GPC6: variants seen among roughly 807,000 people sequenced by gnomAD.
GPC6 encodes glypican-6.
A neutral mutation model predicts 55.2 loss-of-function variants in GPC6; 14 were observed. The ratio of observed to expected loss-of-function variants is 0.25; its 90% CI spans 0.17 to 0.40. GPC6 has a LOEUF of 0.40. GPC6 is among the 10% of genes least tolerant of loss of function. GPC6 has a pLI of 1.00. For missense variants in GPC6, 641 were observed against 708.5 expected (o/e 0.90, Z 1.08); for synonymous variants, 278 against 259.6 (o/e 1.07, Z -0.68).
chr13:93,545,118 G>A, intron 1 of GPC6, 145 bp from the exon 2 acceptor site: 1 of 717,480 alleles, frequency 1.4e-6, no homozygotes, highest in Non-Finnish European at 2.5e-6. Context: ...GATGTGCTGT[G>A]GCCCAGATAG....
At chr13:93,912,557 C>T (rs562144388) in intron 3 of GPC6, among the ~76,000 whole-genome samples, 4 of 152,142 alleles carry the variant, frequency 2.6e-5, no homozygotes, top group Admixed American at 2.0e-4. Flanking sequence ...TCCTGGCTAA[C>T]ACGGTGAAAC....
intron 2 of GPC6, among the ~76,000 whole-genome samples, chr13:93,769,696 C>T (rs1885230428): frequency 6.6e-6 from 1 of 152,182 alleles, no homozygotes; most frequent in Non-Finnish European, 1.5e-5. Flanking sequence ...TTATGGGTGG[C>T]TTGGCACCTC....
chr13:93,804,151 G>T (rs536750147), intron 2 of GPC6, among the ~76,000 whole-genome samples: 2 of 152,150 alleles, frequency 1.3e-5, no homozygotes, highest in Admixed American at 1.3e-4. Flanking sequence ...ATAGATATAG[G>T]TTAATTTCTG....
At chr13:93,759,755 G>C (rs1329402091) in intron 2 of GPC6, among the ~76,000 whole-genome samples, 1 of 152,084 alleles carries the variant, frequency 6.6e-6, no homozygotes, top group Non-Finnish European at 1.5e-5. Flanking sequence ...TAATCAGTGA[G>C]ACAAGTTCAA....
At chr13:93,225,364 A>G (rs1875735413), upstream of GPC6, among the ~76,000 whole-genome samples, 1 of 152,244 alleles carries the variant, frequency 6.6e-6, no homozygotes, top group South Asian at 2.1e-4. Context: ...TTGAGGGAAA[A>G]TAAGTTCAGT....
intron 4 of GPC6, among the ~76,000 whole-genome samples, chr13:94,088,001 T>G (rs1056916619): frequency 6.6e-6 from 1 of 152,210 alleles, no homozygotes; most frequent in Non-Finnish European, 1.5e-5. Flanking sequence ...TTAAAACTAC[T>G]GCTATGAGCA....
intron 1 of GPC6, among the ~76,000 whole-genome samples, chr13:93,331,449 C>T (rs1054047265): frequency 4.6e-5 from 7 of 152,252 alleles, no homozygotes; most frequent in African/African-American, 1.7e-4. Flanking sequence ...GATTCATCAA[C>T]TTGAGAAAGG....
At chr13:93,623,455 CTTT>C (rs567830011) in intron 2 of GPC6, among the ~76,000 whole-genome samples, 3 of 116,168 alleles carry the variant, frequency 2.6e-5, no homozygotes, top group African/African-American at 1.0e-4. Flanking sequence ...CTTTTCTTTT[CTTT>C]TTTTTTTTTT....
chr13:94,158,377 C>CT (rs1888030433), intron 4 of GPC6, among the ~76,000 whole-genome samples: 1 of 47,888 alleles, frequency 2.1e-5, no homozygotes, highest in Non-Finnish European at 6.4e-5. Context: ...TTTGATGATG[C>CT]TTTAAAAAAA....
At chr13:93,543,038 G>A (rs9584124) in intron 1 of GPC6, among the ~76,000 whole-genome samples, 43,431 of 151,862 alleles carry the variant, frequency 0.29, 6,385 homozygotes, top group African/African-American at 0.34. Context: ...CCTGATCACC[G>A]TGGCCAGAAC....
At chr13:94,186,781 G>T (rs1466153760) in intron 4 of GPC6, 2 of 152,190 alleles carry the variant, frequency 1.3e-5, no homozygotes, top group Admixed American at 1.3e-4. Context: ...AGCTTTGGAA[G>T]ACCAAGCTAC....
intron 2 of GPC6, among the ~76,000 whole-genome samples, chr13:93,619,692 C>G (rs1488764186): frequency 2.0e-5 from 3 of 152,094 alleles, no homozygotes; most frequent in Non-Finnish European, 4.4e-5. Context: ...GTGTTCCACC[C>G]TCCTCAAACT....
chr13:93,747,776 T>C (rs1884448327), intron 2 of GPC6, among the ~76,000 whole-genome samples: 1 of 152,202 alleles, frequency 6.6e-6, no homozygotes, highest in South Asian at 2.1e-4. Flanking sequence ...AGATTAGATG[T>C]GTGACATGCA....
At chr13:94,147,121 A>T (rs1887588064) in intron 4 of GPC6, among the ~76,000 whole-genome samples, 2 of 152,158 alleles carry the variant, frequency 1.3e-5, no homozygotes, top group Non-Finnish European at 2.9e-5. Context: ...GATGACCCTG[A>T]CTAAAATAAA....
chr13:93,328,383 G>A (rs1000818762), intron 1 of GPC6, among the ~76,000 whole-genome samples: 1 of 152,104 alleles, frequency 6.6e-6, no homozygotes, highest in African/African-American at 2.4e-5. Flanking sequence ...CTCAAAAAAT[G>A]TCACTCAGGG....
intron 6 of GPC6, among the ~76,000 whole-genome samples, chr13:94,312,303 A>G (rs573006937): frequency 6.6e-6 from 1 of 152,384 alleles, no homozygotes; most frequent in Admixed American, 6.5e-5. Flanking sequence ...GTACTTACAA[A>G]AGATCATCAA....
intron 3 of GPC6, among the ~76,000 whole-genome samples, chr13:93,898,168 C>T (rs549166566): frequency 1.3e-5 from 2 of 152,186 alleles, no homozygotes; most frequent in East Asian, 3.9e-4. Flanking sequence ...ATCATATGGT[C>T]ATATTAATGG....
intron 6 of GPC6, among the ~76,000 whole-genome samples, chr13:94,311,849 TAA>T (rs1876263297): frequency 6.6e-6 from 1 of 151,978 alleles, no homozygotes; most frequent in African/African-American, 2.4e-5. Context: ...CTCCTGACAC[TAA>T]GAGGGAAAGG....
chr13:93,743,005 G>C (rs1183424691), intron 2 of GPC6, among the ~76,000 whole-genome samples: 1 of 152,216 alleles, frequency 6.6e-6, no homozygotes, highest in African/African-American at 2.4e-5. Flanking sequence ...ATATGAAGAA[G>C]GCCTGAAGTT....
Sources: gnomAD v4.1 joint callset for allele counts (sites outside exome capture counted in the v4.1 genomes callset) on GRCh38, gnomAD v4.1.1 for gene constraint, MANE v1.5 for transcripts, NCBI Gene and HGNC (gene_info 2026-07-23, HGNC 2026-07-21) for gene names.